Variants in SUGCT observed in about 807,000 individuals in gnomAD.
SUGCT encodes the protein succinyl-CoA:glutarate-CoA transferase.
A neutral mutation model predicts 55.0 loss-of-function variants in SUGCT; 41 were observed. The observed-to-expected ratio is 0.74, with a 90% CI of 0.58 to 0.97. SUGCT has a LOEUF of 0.97. Among genes scored for constraint, SUGCT ranks in the 50% least tolerant of loss-of-function variants. The pLI is 0.00. For synonymous variants in SUGCT, 187 were observed against 200.4 expected (o/e 0.93, Z 0.56); for missense variants, 568 against 547.8 (o/e 1.04, Z -0.37).
chr7:40,163,578 C>A, intron 1 of SUGCT, among the ~76,000 whole-genome samples: 1 of 149,154 alleles, frequency 6.7e-6, no homozygotes, highest in South Asian at 2.1e-4. Context: ...GCACTCCAGC[C>A]TGGGTGATAG....
chr7:40,936,363 C>A, the SUGCT span, among the ~76,000 whole-genome samples: 1 of 151,584 alleles, frequency 6.6e-6, no homozygotes, highest in Non-Finnish European at 1.5e-5. Context: ...GATAGGTAAT[C>A]AAAAATGTTG....
chr7:40,616,247 G>C (rs1393068274), intron 12 of SUGCT, among the ~76,000 whole-genome samples: 4 of 152,082 alleles, frequency 2.6e-5, no homozygotes, highest in Non-Finnish European at 5.9e-5. Context: ...CCAGGCTGGA[G>C]TTTAGTGGTG....
At chr7:40,671,192 C>T (rs1416280393) in intron 12 of SUGCT, among the ~76,000 whole-genome samples, 1 of 152,122 alleles carries the variant, frequency 6.6e-6, no homozygotes, top group Non-Finnish European at 1.5e-5. Context: ...TTGAGTCTTT[C>T]AATCTGTGGG....
chr7:40,640,688 A>C (rs576571298), intron 12 of SUGCT, among the ~76,000 whole-genome samples: 21 of 151,836 alleles, frequency 1.4e-4, no homozygotes, highest in South Asian at 1.2e-3. Context: ...GCACACACAC[A>C]CCCCCCACAA....
At chr7:40,514,293 T>C (rs1793114930) in intron 12 of SUGCT, among the ~76,000 whole-genome samples, 1 of 152,118 alleles carries the variant, frequency 6.6e-6, no homozygotes, top group South Asian at 2.1e-4. Flanking sequence ...TCAGACTTCA[T>C]TTATTATCAA....
At chr7:40,569,655 G>T (rs761632538) in intron 12 of SUGCT, among the ~76,000 whole-genome samples, 3 of 151,990 alleles carry the variant, frequency 2.0e-5, no homozygotes, top group Non-Finnish European at 4.4e-5. Flanking sequence ...ATACAAATGT[G>T]GGTTTACATT....
At chr7:40,300,191 G>A (rs1292122854) in intron 8 of SUGCT, among the ~76,000 whole-genome samples, 4 of 151,978 alleles carry the variant, frequency 2.6e-5, no homozygotes, top group Non-Finnish European at 5.9e-5. Flanking sequence ...CACTTTTTAC[G>A]ATGTTACCCT....
intron 12 of SUGCT, among the ~76,000 whole-genome samples, chr7:40,663,749 T>C (rs186786142): frequency 2.6e-5 from 4 of 152,304 alleles, no homozygotes; most frequent in Admixed American, 2.6e-4. Context: ...AGGAATTGTG[T>C]CTGGTAGAAC....
chr7:40,326,066 C>T (rs953816355), intron 9 of SUGCT, among the ~76,000 whole-genome samples: 6 of 151,946 alleles, frequency 3.9e-5, no homozygotes, highest in Non-Finnish European at 8.8e-5. Flanking sequence ...GTGTAGGTTT[C>T]CCCCTACCAT....
chr7:40,151,289 C>T (rs1416825170), intron 1 of SUGCT, among the ~76,000 whole-genome samples: 2 of 152,054 alleles, frequency 1.3e-5, no homozygotes, highest in Admixed American at 6.6e-5. Context: ...CTTGGATTAC[C>T]TAGAGTTAGA....
chr7:40,268,577 AT>A (rs1205686539), intron 7 of SUGCT, among the ~76,000 whole-genome samples: 1 of 152,146 alleles, frequency 6.6e-6, no homozygotes, highest in African/African-American at 2.4e-5. Flanking sequence ...CTCTTAGGCT[AT>A]TATGAATAAT....
At chr7:40,504,083 C>T (rs796297411) in intron 12 of SUGCT, among the ~76,000 whole-genome samples, 7 of 152,178 alleles carry the variant, frequency 4.6e-5, no homozygotes, top group African/African-American at 1.4e-4. Flanking sequence ...AAGATACGTT[C>T]GTCAAAGAGT....
At chr7:40,675,311 G>A (rs1336271432) in intron 12 of SUGCT, among the ~76,000 whole-genome samples, 2 of 152,094 alleles carry the variant, frequency 1.3e-5, no homozygotes, top group African/African-American at 4.8e-5. Context: ...TGCCCGCCTC[G>A]GCCTCCCGAA....
intron 11 of SUGCT, among the ~76,000 whole-genome samples, chr7:40,480,982 A>C (rs143841886): frequency 1.3e-5 from 2 of 152,144 alleles, no homozygotes; most frequent in African/African-American, 4.8e-5. Context: ...CATAGATATA[A>C]TATGACCATT....
chr7:40,894,440 T>C, the SUGCT span, among the ~76,000 whole-genome samples: 4 of 152,180 alleles, frequency 2.6e-5, no homozygotes, highest in African/African-American at 9.6e-5. Flanking sequence ...CCAAAAGCAA[T>C]TGCAACAAAA....
the SUGCT span, among the ~76,000 whole-genome samples, chr7:41,016,724 C>G: frequency 3.3e-5 from 5 of 152,056 alleles, no homozygotes; most frequent in East Asian, 5.8e-4. Context: ...AGATAAGATG[C>G]CTTGGTCCCT....
At chr7:40,822,595 C>T (rs1792080593) in intron 13 of SUGCT, among the ~76,000 whole-genome samples, 2 of 152,044 alleles carry the variant, frequency 1.3e-5, no homozygotes, top group African/African-American at 4.8e-5. Flanking sequence ...GAAGATACTT[C>T]ACCCTAGTTA....
At chr7:40,704,700 A>C (rs1425362956) in intron 12 of SUGCT, among the ~76,000 whole-genome samples, 1 of 152,190 alleles carries the variant, frequency 6.6e-6, no homozygotes, top group African/African-American at 2.4e-5. Flanking sequence ...TTGAATTATA[A>C]TAAGAATAAC....
intron 13 of SUGCT, among the ~76,000 whole-genome samples, chr7:40,815,237 T>C (rs953839373): frequency 1.3e-5 from 2 of 152,202 alleles, no homozygotes; most frequent in African/African-American, 2.4e-5. Context: ...GGGGCCCCGA[T>C]GGCAGGCATG....
Sources: allele counts gnomAD v4.1 joint callset (sites outside exome capture counted in the v4.1 genomes callset), GRCh38; gene constraint gnomAD v4.1.1; transcripts MANE v1.5; gene names NCBI Gene and HGNC (gene_info 2026-07-23, HGNC 2026-07-21).